The following HAGH variants were observed in gnomAD, a reference collection of about 807,000 sequenced individuals.
HAGH encodes the protein hydroxyacylglutathione hydrolase, also known as hydroxyacylglutathione hydrolase, mitochondrial.
HAGH carries 29 observed loss-of-function variants against 35.1 expected under a neutral mutation model. The observed-to-expected ratio is 0.83, with a 90% CI of 0.62 to 1.13. The LOEUF (loss-of-function observed/expected upper bound fraction) is 1.13. Among genes scored for constraint, HAGH ranks in the 50% most tolerant of loss-of-function variants. HAGH has a pLI of 0.00. For missense variants in HAGH, 478 were observed against 419.6 expected (o/e 1.14, Z -1.22); for synonymous variants, 225 against 176.1 (o/e 1.28, Z -2.20).
In HAGH at chr16:1,826,483, G is replaced by A. The variant is rs970601315; in HGVS notation, c.76+229C>T. The A allele has an allele frequency of 1.1e-5, 10 of 883,626 alleles. No homozygotes were observed. In the African/African-American group the frequency reaches 1.9e-4, roughly 17 times the overall value. The allele number at this position is 883,626 out of a possible 1,614,324, so 54.7% of individuals were successfully genotyped here. A position where few individuals can be genotyped will look rare whatever the true frequency, so the allele number is the denominator to read the frequency against. ...CCAGCCCGAGCGTGGAGGCCGCGGCGGACGCAGGCCTGGCCCTGCTTACCT... is the reference window on the plus strand; with the variant it reads ...CCAGCCCGAGCGTGGAGGCCGCGGCAGACGCAGGCCTGGCCCTGCTTACCT... On this transcript the variant is annotated intron_variant, in intron 1 of 8. Transcript: ENST00000397356.
chr16:1,818,351 C>T (rs1027819399), intron 5 of HAGH, among the ~76,000 whole-genome samples: 1 of 152,174 alleles, frequency 6.6e-6, no homozygotes, highest in Non-Finnish European at 1.5e-5. Context: ...CACAGCGAGG[C>T]GCCCGTCCCT....
At position 1,826,710 on chromosome 16, in the gene HAGH, A is replaced by G. The variant is rs1898449476; in HGVS notation, c.76+2T>C. ...CGGCCCGCACCGCCCCGCCGCACCC[A>G]CCGAGGCCTCGGCGGGCGCAGGCGG... is the stretch of plus-strand genomic sequence containing the variant. On this transcript the variant is annotated splice_donor_variant, in intron 1 of 8. Transcript: ENST00000397356. LOFTEE classifies it high-confidence loss of function. 1.8e-6 allele frequency: 2 copies of G among 1,097,548 alleles called. No homozygotes were observed. Among genetic ancestry groups the G allele is most frequent in the Non-Finnish European group, 2.2e-6 (2 of 902,308 alleles). The allele number at this position is 1,097,548 out of a possible 1,614,324, so 68.0% of individuals were successfully genotyped here.
rs779797593 is a variant in HAGH at position 1,809,215 on chromosome 16, G to A, written c.*68C>T. The A allele has an allele frequency of 3.6e-5, 38 of 1,058,648 alleles. No homozygotes were observed. The highest frequency in any genetic ancestry group is 2.6e-4 in the South Asian group (18 of 69,772). 65.6% of individuals were successfully genotyped at this position (1,058,648 alleles called of 1,614,324 possible). On this transcript the variant is annotated 3_prime_UTR_variant, in exon 9 of 9. Coordinates refer to ENST00000397356, the MANE Select transcript of HAGH (RefSeq NM_005326.6). ...TAAATCAAGACTGAATTTCCCGCAC[G>A]GACCAGCAGGAAAGCCAGTTACCTA... is the stretch of plus-strand genomic sequence containing the variant.
chr16:1,811,329 A>T (rs1197886743), intron 7 of HAGH, among the ~76,000 whole-genome samples: 1 of 151,996 alleles, frequency 6.6e-6, no homozygotes, highest in Non-Finnish European at 1.5e-5. Flanking sequence ...CAGGAGAATC[A>T]CTTGAACCCA....
chr16:1,809,750 T>C lies in HAGH; in HGVS notation c.827+4A>G. ...CCGCGCCCACCACCTGCCCTGGGCC[T>C]CACCTCACTCTCATGAAGGGGTTGT... On this transcript the variant is annotated splice_donor_region_variant and intron_variant, in intron 8 of 8. Coordinates refer to ENST00000397356, the MANE Select transcript of HAGH (RefSeq NM_005326.6). The C allele has an allele frequency of 6.2e-7, 1 of 1,606,478 alleles. No homozygotes were observed. The highest frequency in any genetic ancestry group is 8.5e-7 in the Non-Finnish European group (1 of 1,173,036).
chr16:1,818,075 C>G (rs1897987381), intron 5 of HAGH, among the ~76,000 whole-genome samples: 1 of 152,228 alleles, frequency 6.6e-6, no homozygotes, highest in African/African-American at 2.4e-5. Flanking sequence ...GACCTCGAGT[C>G]TGAGGACCAG....
chr16:1,827,105 C>A, upstream of HAGH: 1 of 1,341,636 alleles, frequency 7.5e-7, no homozygotes, highest in Non-Finnish European at 1.0e-6. Flanking sequence ...GCCCGGGTAC[C>A]CGGCAGATCG....
chr16:1,817,622 C>T (rs1158426723), intron 5 of HAGH, among the ~76,000 whole-genome samples: 2 of 152,242 alleles, frequency 1.3e-5, no homozygotes, highest in Non-Finnish European at 2.9e-5. Context: ...CTCCCATCTT[C>T]CCTTGGCCCC....
intron 1 of HAGH, among the ~76,000 whole-genome samples, chr16:1,823,792 C>T (rs79049864): frequency 0.044 from 6,564 of 148,252 alleles, 423 homozygotes; most frequent in South Asian, 0.15. Context: ...TTCATATATC[C>T]CTGAGGAGAA....
intron 2 of HAGH, among the ~76,000 whole-genome samples, chr16:1,822,580 G>A (rs1449261067): frequency 3.3e-5 from 5 of 152,022 alleles, no homozygotes; most frequent in East Asian, 1.9e-4. Context: ...ACCTACGACC[G>A]CTCCAAGCCC....
In HAGH at chr16:1,809,056, A is replaced by C; in HGVS notation, c.*227T>G. On this transcript the variant is annotated 3_prime_UTR_variant, in exon 9 of 9. Coordinates refer to ENST00000397356, the MANE Select transcript of HAGH (RefSeq NM_005326.6). ...CGGAGGAGGAAGGAGGCCCGAGGGG[A>C]CAAGCAGAGGCCTAAAGGCCAGAAG... is the stretch of plus-strand genomic sequence containing the variant. 2.0e-6 allele frequency: 1 copy of C among 494,164 alleles called. No homozygotes were observed. Among genetic ancestry groups the C allele is most frequent in the East Asian group, 3.2e-5 (1 of 31,618 alleles). 30.6% of individuals were successfully genotyped at this position (494,164 alleles called of 1,614,324 possible).
In HAGH at chr16:1,822,780, G is replaced by A. The variant is rs1184155442; in HGVS notation, c.249+85C>T. The stretch of plus-strand genomic sequence containing the variant: ...CATTTAGCTTAGGCAAAGTTGCAAG[G>A]ACACTGCGGTTAGGAAACCCATCGG... On this transcript the variant is annotated intron_variant, in intron 2 of 8. Transcript: ENST00000397356. 4 of 1,154,308 alleles carry A rather than the reference G, an allele frequency of 3.5e-6. No homozygotes were observed. In the Admixed American group the frequency reaches 7.0e-5, roughly 20 times the overall value. The allele number at this position is 1,154,308 out of a possible 1,614,324, so 71.5% of individuals were successfully genotyped here.
In HAGH at chr16:1,808,286, G is replaced by T. The variant is rs1657105; in HGVS notation, c.*997C>A. The stretch of plus-strand genomic sequence containing the variant: ...CCCTGCCCAGGTAACTTTTTAAAAA[G>T]ATTATTATTAAATTTCATATTTTTT... On this transcript the variant is annotated 3_prime_UTR_variant, in exon 9 of 9. Coordinates refer to ENST00000397356, the MANE Select transcript of HAGH (RefSeq NM_005326.6). The T allele has an allele frequency of 0.77, 117,244 of 151,486 alleles. 45,477 individuals are homozygous for T. The highest frequency in any genetic ancestry group is 0.86 in the Middle Eastern group (254 of 296). 9.4% of individuals were successfully genotyped at this position (151,486 alleles called of 1,614,324 possible). A position where few individuals can be genotyped will look rare whatever the true frequency, so the allele number is the denominator to read the frequency against.
intron 7 of HAGH, chr16:1,812,376 T>C (rs1596912942): frequency 6.8e-6 from 1 of 145,998 alleles, no homozygotes; most frequent in African/African-American, 2.5e-5. Flanking sequence ...TGGTGGCACA[T>C]GCCTGTAGTC....
intron 8 of HAGH, 138 bp from the exon 9 acceptor site, chr16:1,809,520 C>G: frequency 1.4e-6 from 1 of 717,290 alleles, no homozygotes; most frequent in Admixed American, 2.5e-5. Context: ...GCGGCAGCCA[C>G]TCCCCTTCTG....
intron 7 of HAGH, among the ~76,000 whole-genome samples, chr16:1,816,021 A>G (rs1378255948): frequency 3.4e-4 from 45 of 132,518 alleles, no homozygotes; most frequent in African/African-American, 1.2e-3. Context: ...GCTCACTGCA[A>G]CCTCTGCCTC....
chr16:1,824,140 T>G (rs1234234188), intron 1 of HAGH, among the ~76,000 whole-genome samples: 1 of 151,630 alleles, frequency 6.6e-6, no homozygotes, highest in African/African-American at 2.4e-5. Context: ...GAGAATTGCT[T>G]GAATCCGGGA....
chr16:1,815,994 G>A (rs1242543977), intron 7 of HAGH, among the ~76,000 whole-genome samples: 4 of 127,974 alleles, frequency 3.1e-5, no homozygotes, highest in African/African-American at 1.2e-4. Context: ...AGGCTGGAGC[G>A]CAGTGGAGCG....
In HAGH at chr16:1,826,792, C is replaced by A; in HGVS notation, c.-5G>T. The A allele has an allele frequency of 2.5e-6, 3 of 1,218,022 alleles. No individual in the cohort carries two copies. The highest frequency in any genetic ancestry group is 3.1e-6 in the Non-Finnish European group (3 of 977,552). 75.5% of individuals were successfully genotyped at this position (1,218,022 alleles called of 1,614,324 possible). A position where few individuals can be genotyped will look rare whatever the true frequency, so the allele number is the denominator to read the frequency against. ...CAGCCCTCGGCCCACCACCATGACCCGGGCCGGGCTGGACTGCCGAGCTGC... is the reference window on the plus strand; with the variant it reads ...CAGCCCTCGGCCCACCACCATGACCAGGGCCGGGCTGGACTGCCGAGCTGC... On this transcript the variant is annotated 5_prime_UTR_variant, in exon 1 of 9. Coordinates refer to ENST00000397356, the MANE Select transcript of HAGH (RefSeq NM_005326.6).
Sources: allele counts gnomAD v4.1 joint callset (sites outside exome capture counted in the v4.1 genomes callset), GRCh38; gene constraint gnomAD v4.1.1; transcripts MANE v1.5; gene names NCBI Gene and HGNC (gene_info 2026-07-23, HGNC 2026-07-21).